The following MBD5 variants were observed in gnomAD, a reference collection of about 807,000 sequenced individuals.
MBD5 encodes methyl-CpG-binding domain protein 5.
Under a neutral mutation model 117.3 loss-of-function variants are expected in MBD5, and 13 were observed. The observed-to-expected ratio is 0.11, with a 90% CI of 0.07 to 0.18. MBD5 has a LOEUF of 0.18. Among genes scored for constraint, MBD5 ranks in the 10% least tolerant of loss-of-function variants. The pLI is 1.00. For synonymous variants in MBD5, 727 were observed against 766.4 expected (o/e 0.95, Z 0.85); for missense variants, 1,879 against 2,093.8 (o/e 0.90, Z 2.00).
At chr2:148,118,716 T>TA (rs1696697543) in intron 1 of MBD5, among the ~76,000 whole-genome samples, 1 of 152,164 alleles carries the variant, frequency 6.6e-6, no homozygotes, top group African/African-American at 2.4e-5. Flanking sequence ...AGGCAATCAC[T>TA]AATCTGTTGT....
chr2:148,195,430 G>C (rs1166220521), intron 2 of MBD5, among the ~76,000 whole-genome samples: 1 of 152,064 alleles, frequency 6.6e-6, no homozygotes, highest in African/African-American at 2.4e-5. Context: ...GTTGAAAGAA[G>C]AAATAGACAA....
intron 2 of MBD5, among the ~76,000 whole-genome samples, chr2:148,216,828 A>C (rs1699568407): frequency 6.6e-6 from 1 of 152,098 alleles, no homozygotes; most frequent in Non-Finnish European, 1.5e-5. Flanking sequence ...AGCACCACCC[A>C]AAGTACTTTT....
intron 2 of MBD5, among the ~76,000 whole-genome samples, chr2:148,221,675 G>C (rs552184939): frequency 6.6e-6 from 1 of 151,926 alleles, no homozygotes; most frequent in African/African-American, 2.4e-5. Flanking sequence ...TAGTCTGATG[G>C]GTAGTTTGCA....
At chr2:148,123,049 T>C (rs905524130) in intron 1 of MBD5, among the ~76,000 whole-genome samples, 1 of 152,156 alleles carries the variant, frequency 6.6e-6, no homozygotes, top group Non-Finnish European at 1.5e-5. Flanking sequence ...ACATGTAACT[T>C]TGTGTTCTCA....
At chr2:148,337,137 C>T (rs770979841) in intron 3 of MBD5, among the ~76,000 whole-genome samples, 1 of 152,176 alleles carries the variant, frequency 6.6e-6, no homozygotes, top group Non-Finnish European at 1.5e-5. Flanking sequence ...GTACCCAGTG[C>T]TCAGTTACCT....
At chr2:148,139,450 C>CCCGAGGCAT (rs1697255921) in intron 1 of MBD5, among the ~76,000 whole-genome samples, 1 of 152,068 alleles carries the variant, frequency 6.6e-6, no homozygotes, top group Non-Finnish European at 1.5e-5. Context: ...GGGTGATCTG[C>CCCGAGGCAT]CCGAGGCCTC....
chr2:148,223,275 G>T (rs1699736740), intron 2 of MBD5, among the ~76,000 whole-genome samples: 1 of 151,928 alleles, frequency 6.6e-6, no homozygotes, highest in Non-Finnish European at 1.5e-5. Context: ...GTAATACTGG[G>T]CTCATAGAAT....
intron 1 of MBD5, among the ~76,000 whole-genome samples, chr2:148,173,206 T>C (rs1698305155): frequency 6.6e-6 from 1 of 152,170 alleles, no homozygotes; most frequent in Admixed American, 6.5e-5. Context: ...GGGGGCTCCT[T>C]GAGCCAGTGC....
chr2:148,462,645 A>G lies in MBD5; in HGVS notation c.177A>G (p.Thr59=). 2 of 1,613,114 alleles carry G rather than the reference A, an allele frequency of 1.2e-6. No homozygotes were observed. The highest frequency in any genetic ancestry group is 8.5e-7 in the Non-Finnish European group (1 of 1,179,394). The change falls in exon 6 of 14, where the codon ACA becomes ACG. Residue 59 remains threonine (T), a synonymous_variant. Transcript: ENST00000642680. ...AAACATACCTGCTTACTGATGGAAC[A>G]TGCAAGTGTGGCTTGGAATGTCCTC... is the stretch of plus-strand genomic sequence containing the variant. ...QVKTYLLTDG[T]CKCGLECPLI... is the part of the protein sequence containing the mutation.
chr2:148,379,336 G>C (rs1318704283), intron 4 of MBD5, among the ~76,000 whole-genome samples: 1 of 152,026 alleles, frequency 6.6e-6, no homozygotes, highest in African/African-American at 2.4e-5. Flanking sequence ...AATAATGGAA[G>C]CTAGAAATCA....
At chr2:148,376,046 C>T (rs1438050990) in intron 4 of MBD5, among the ~76,000 whole-genome samples, 3 of 150,454 alleles carry the variant, frequency 2.0e-5, no homozygotes, top group Admixed American at 6.7e-5. Context: ...TGGCCTCTGC[C>T]TACTAGATGC....
intron 4 of MBD5, among the ~76,000 whole-genome samples, chr2:148,349,271 C>A (rs1703194224): frequency 6.6e-6 from 1 of 151,832 alleles, no homozygotes. Context: ...GACTCAGTTT[C>A]CCATTTGTAA....
chr2:148,096,916 A>G (rs1396605826), intron 1 of MBD5, among the ~76,000 whole-genome samples: 1 of 152,166 alleles, frequency 6.6e-6, no homozygotes, highest in Non-Finnish European at 1.5e-5. Flanking sequence ...AAACCAGGGT[A>G]AAAAAGAAAA....
At chr2:148,111,709 A>G (rs1005053705) in intron 1 of MBD5, among the ~76,000 whole-genome samples, 3 of 152,094 alleles carry the variant, frequency 2.0e-5, no homozygotes, top group Non-Finnish European at 4.4e-5. Flanking sequence ...ACTAATTATC[A>G]AATGGTTCAG....
At chr2:148,407,045 A>G (rs1705100747) in intron 4 of MBD5, among the ~76,000 whole-genome samples, 1 of 152,196 alleles carries the variant, frequency 6.6e-6, no homozygotes, top group Non-Finnish European at 1.5e-5. Flanking sequence ...GGGTCCAGAT[A>G]CAGAATCCCC....
At chr2:148,144,854 T>C (rs1294787196) in intron 1 of MBD5, among the ~76,000 whole-genome samples, 1 of 152,200 alleles carries the variant, frequency 6.6e-6, no homozygotes, top group Non-Finnish European at 1.5e-5. Flanking sequence ...ACTGTACCCT[T>C]GTAGTATAGT....
chr2:148,039,032 GAGAA>G (rs1438521646), intron 1 of MBD5, among the ~76,000 whole-genome samples: 1 of 151,986 alleles, frequency 6.6e-6, no homozygotes, highest in East Asian at 1.9e-4. Flanking sequence ...TATGGCAAAG[GAGAA>G]AGATAGTGCA....
chr2:148,250,240 T>G (rs1398704396), intron 3 of MBD5, among the ~76,000 whole-genome samples: 1 of 152,110 alleles, frequency 6.6e-6, no homozygotes, highest in African/African-American at 2.4e-5. Flanking sequence ...ATGTTGTCAC[T>G]TATAAGTGGG....
intron 3 of MBD5, among the ~76,000 whole-genome samples, chr2:148,308,914 C>T (rs981504975): frequency 1.1e-4 from 17 of 152,106 alleles, no homozygotes; most frequent in African/African-American, 3.9e-4. Flanking sequence ...ATAGGGAATC[C>T]TTTCCCCATT....
Sources: gnomAD v4.1 joint callset for allele counts (sites outside exome capture counted in the v4.1 genomes callset) on GRCh38, gnomAD v4.1.1 for gene constraint, MANE v1.5 for transcripts, NCBI Gene and HGNC (gene_info 2026-07-23, HGNC 2026-07-21) for gene names.